KIAA1217: variants seen among roughly 807,000 people sequenced by gnomAD.
The protein encoded by KIAA1217 is KIAA1217.
In KIAA1217, 88 loss-of-function variants were observed where a neutral mutation model predicts 163.9. That is an observed-to-expected ratio of 0.54 (90% CI 0.45 to 0.64). KIAA1217 has a LOEUF of 0.64. Ranked by LOEUF, KIAA1217 falls within the 30% of genes least tolerant of loss-of-function variation. The pLI is 0.00. For missense variants in KIAA1217, 2,372 were observed against 2,475.0 expected, an observed-to-expected ratio of 0.96 and a Z score of 0.88; for synonymous variants, 903 against 923.1, an observed-to-expected ratio of 0.98 and a Z score of 0.39.
intron 3 of KIAA1217, among the ~76,000 whole-genome samples, chr10:24,382,954 C>T (rs1387236540): frequency 6.7e-6 from 1 of 150,058 alleles, no homozygotes; most frequent in Non-Finnish European, 1.5e-5. Context: ...TTCAAGGGAT[C>T]CTCCCATCTC....
intron 2 of KIAA1217, among the ~76,000 whole-genome samples, chr10:24,016,852 T>TA (rs928139734): frequency 1.3e-5 from 2 of 151,534 alleles, no homozygotes; most frequent in African/African-American, 2.4e-5. Flanking sequence ...GGCAAGCATT[T>TA]AAAAAAAACG....
At chr10:24,481,823 A>G (rs2064748422) in intron 6 of KIAA1217, 2 of 152,194 alleles carry the variant, frequency 1.3e-5, no homozygotes, top group African/African-American at 4.8e-5. Context: ...CTTCTTGAGA[A>G]CATTGAGATG....
At chr10:24,441,990 T>C (rs758435741) in intron 5 of KIAA1217, among the ~76,000 whole-genome samples, 1 of 152,186 alleles carries the variant, frequency 6.6e-6, no homozygotes, top group Non-Finnish European at 1.5e-5. Context: ...TCCACCTTCT[T>C]GTGTGCTTTA....
chr10:24,487,073 C>T (rs769626876), intron 6 of KIAA1217, among the ~76,000 whole-genome samples: 8 of 152,254 alleles, frequency 5.3e-5, no homozygotes, highest in Admixed American at 3.3e-4. Context: ...ATTTGGTCTA[C>T]GGCTTCTCCG....
chr10:24,524,379 T>C lies in KIAA1217; in HGVS notation c.2513T>C (p.Met838Thr), dbSNP rs570304674. Residue 838 changes from methionine (M) to threonine (T), a missense_variant, in exon 13 of 21, where the codon ATG becomes ACG. Met to Thr is a moderately conservative substitution (Grantham distance 81). Transcript: ENST00000376454. Reference sequence around the variant, plus strand: ...GACGCAGCCCAAGCCGCACAGTACATGGCTATGGAAAAGGCCACAGCCGCA... The same window carrying C: ...GACGCAGCCCAAGCCGCACAGTACACGGCTATGGAAAAGGCCACAGCCGCA... ...GTDAAQAAQY[M>T]AMEKATAAEV... is the part of the protein sequence containing the mutation. 1.2e-6 allele frequency: 2 copies of C among 1,614,174 alleles called. No individual in the cohort carries two copies. The highest frequency in any genetic ancestry group is 1.3e-5 in the African/African-American group (1 of 75,050).
At chr10:23,981,978 C>T (rs1159405016) in intron 1 of KIAA1217, among the ~76,000 whole-genome samples, 3 of 151,792 alleles carry the variant, frequency 2.0e-5, no homozygotes, top group African/African-American at 7.3e-5. Flanking sequence ...CACTGCCTAG[C>T]GCTGCAGAGT....
At chr10:24,044,075 G>A (rs1052580110) in intron 2 of KIAA1217, among the ~76,000 whole-genome samples, 1 of 152,114 alleles carries the variant, frequency 6.6e-6, no homozygotes, top group Admixed American at 6.5e-5. Flanking sequence ...TCTATGACAA[G>A]ACATTTTGAT....
intron 1 of KIAA1217, among the ~76,000 whole-genome samples, chr10:23,722,155 A>C (rs905908504): frequency 6.6e-6 from 1 of 152,186 alleles, no homozygotes; most frequent in Non-Finnish European, 1.5e-5. Flanking sequence ...GTCAAGAAGA[A>C]AGTAGAATGG....
rs1398846673 is a variant in KIAA1217, at chr10:23,790,516, T to TGC, written c.-321+95282_-321+95283insGC. Among the ~76,000 whole-genome samples the TGC allele has an allele frequency of 8.4e-4, 87 of 103,672 alleles. 6 individuals carry two copies. The highest frequency in any genetic ancestry group is 1.2e-3 in the African/African-American group (25 of 20,482). The allele number at this position is 103,672 out of a possible 152,430, so 68.0% of individuals were successfully genotyped here. A position where few individuals can be genotyped will look rare whatever the true frequency, so the allele number is the denominator to read the frequency against. On this transcript the variant is annotated intron_variant, in intron 1 of 18. Transcript: ENST00000376462. ...ATATACATGTGCATATATACATATG[T>TGC]ATATATACATATATACATATACATG...
intron 1 of KIAA1217, among the ~76,000 whole-genome samples, chr10:24,212,845 G>A (rs1039339432): frequency 6.6e-6 from 1 of 152,090 alleles, no homozygotes; most frequent in Non-Finnish European, 1.5e-5. Context: ...CAGAGCACTG[G>A]GCAACCTAAC....
intron 2 of KIAA1217, among the ~76,000 whole-genome samples, chr10:24,306,916 T>C (rs2042065506): frequency 6.6e-6 from 1 of 152,228 alleles, no homozygotes. Flanking sequence ...TACATTCTAC[T>C]TGTCTATTGT....
At chr10:23,731,643 T>A (rs1838485174) in intron 1 of KIAA1217, among the ~76,000 whole-genome samples, 1 of 152,174 alleles carries the variant, frequency 6.6e-6, no homozygotes, top group Non-Finnish European at 1.5e-5. Flanking sequence ...ATCCCATCAT[T>A]TTTGAGAACT....
chr10:24,187,859 C>T (rs529254060), intron 2 of KIAA1217, among the ~76,000 whole-genome samples: 24 of 151,196 alleles, frequency 1.6e-4, no homozygotes, highest in African/African-American at 5.1e-4. Context: ...CATTGCATTC[C>T]AGCCTGGGCA....
chr10:24,365,527 G>C (rs2050662293), intron 2 of KIAA1217, among the ~76,000 whole-genome samples: 1 of 151,956 alleles, frequency 6.6e-6, no homozygotes, highest in South Asian at 2.1e-4. Flanking sequence ...TTCTTTCACA[G>C]TTGATGAAGC....
At chr10:24,449,258 A>G (rs2061207212) in intron 5 of KIAA1217, among the ~76,000 whole-genome samples, 1 of 152,064 alleles carries the variant, frequency 6.6e-6, no homozygotes, top group Non-Finnish European at 1.5e-5. Flanking sequence ...CACATCTGAT[A>G]TGCAACTTCC....
chr10:23,743,458 C>A (rs1839229869), intron 1 of KIAA1217, among the ~76,000 whole-genome samples: 1 of 152,074 alleles, frequency 6.6e-6, no homozygotes, highest in Non-Finnish European at 1.5e-5. Flanking sequence ...AAATTCCCAG[C>A]AAGAGGGGAC....
intron 1 of KIAA1217, among the ~76,000 whole-genome samples, chr10:23,936,969 C>T (rs1843557164): frequency 1.3e-5 from 2 of 152,142 alleles, no homozygotes; most frequent in Admixed American, 1.3e-4. Context: ...ACCTCCACCT[C>T]CCGGGTTCAA....
At chr10:23,851,938 G>A (rs1326740762) in intron 1 of KIAA1217, among the ~76,000 whole-genome samples, 2 of 151,972 alleles carry the variant, frequency 1.3e-5, no homozygotes, top group Non-Finnish European at 1.5e-5. Context: ...AGCAGGTTGT[G>A]AAAATTTTCT....
At chr10:24,402,484 G>A (rs1321958352) in intron 3 of KIAA1217, among the ~76,000 whole-genome samples, 1 of 144,044 alleles carries the variant, frequency 6.9e-6, no homozygotes, top group Non-Finnish European at 1.5e-5. Context: ...ACTCCAGCCT[G>A]GGTGACAAGG....
Sources: allele counts gnomAD v4.1 joint callset (sites outside exome capture counted in the v4.1 genomes callset), GRCh38; gene constraint gnomAD v4.1.1; transcripts MANE v1.5; gene names NCBI Gene and HGNC (gene_info 2026-07-23, HGNC 2026-07-21).